Variants in NAV2 observed in about 807,000 individuals in gnomAD.
NAV2 encodes neuron navigator 2, also known as helicase, APC down-regulated 1.
A neutral mutation model predicts 223.2 loss-of-function variants in NAV2; 54 were observed. The ratio of observed to expected loss-of-function variants is 0.24; its 90% CI spans 0.19 to 0.30. NAV2 has a LOEUF of 0.30. NAV2 is among the 10% of genes least tolerant of loss of function. The pLI is 1.00. For missense variants in NAV2, 2,806 were observed against 3,147.5 expected, an observed-to-expected ratio of 0.89 and a Z score of 2.60; for synonymous variants, 1,279 against 1,239.3, an observed-to-expected ratio of 1.03 and a Z score of -0.67.
At chr11:19,684,819 C>T (rs1047759594) in intron 1 of NAV2, among the ~76,000 whole-genome samples, 9 of 152,218 alleles carry the variant, frequency 5.9e-5, no homozygotes, top group Non-Finnish European at 1.0e-4. Context: ...CTCACCCATC[C>T]TTCAAGAGTG....
At chr11:20,071,425 G>A (rs1431718562) in intron 22 of NAV2, among the ~76,000 whole-genome samples, 2 of 152,158 alleles carry the variant, frequency 1.3e-5, no homozygotes, top group Admixed American at 1.3e-4. Context: ...AAACATACGT[G>A]TGCATGCGTC....
chr11:19,863,312 C>T (rs963907903), intron 3 of NAV2, among the ~76,000 whole-genome samples: 106 of 152,312 alleles, frequency 7.0e-4, no homozygotes, highest in African/African-American at 2.5e-3. Context: ...TCTCATTGCC[C>T]TTCTCCCTTG....
intron 1 of NAV2, among the ~76,000 whole-genome samples, chr11:19,611,222 A>G (rs917103881): frequency 1.3e-5 from 2 of 152,162 alleles, no homozygotes; most frequent in East Asian, 1.9e-4. Context: ...CCATGATTCA[A>G]TTACCTCCCC....
chr11:19,577,032 G>A (rs1192970283), intron 1 of NAV2, among the ~76,000 whole-genome samples: 1 of 152,208 alleles, frequency 6.6e-6, no homozygotes, highest in East Asian at 1.9e-4. Flanking sequence ...AGGAATCCCT[G>A]GGTTCCAGGA....
chr11:20,099,719 C>T (rs1173845745), intron 31 of NAV2, among the ~76,000 whole-genome samples: 1 of 152,196 alleles, frequency 6.6e-6, no homozygotes, highest in Non-Finnish European at 1.5e-5. Context: ...TTTGACTTTG[C>T]ATTTCCTCAA....
rs77114700 is a variant in NAV2, at chr11:19,815,887, G to C, written c.268-16597G>C. ...GCAGACAGGAGGCAGAGACAGCACT[G>C]TTGTTAGGACTTTATTATTCTTCTT... On this transcript the variant is annotated intron_variant, in intron 1 of 37. Transcript: ENST00000349880. Among the ~76,000 whole-genome samples, 1,145 of 152,306 alleles carry C rather than the reference G, an allele frequency of 7.5e-3. 16 individuals carry two copies. Among genetic ancestry groups the C allele is most frequent in the African/African-American group, 0.026 (1,085 of 41,562 alleles).
chr11:19,888,716 G>A (rs1022645155), intron 5 of NAV2, among the ~76,000 whole-genome samples: 10 of 151,884 alleles, frequency 6.6e-5, no homozygotes, highest in African/African-American at 2.4e-4. Context: ...TGTCCCCCGA[G>A]TCCCAGCACA....
At chr11:20,111,300 G>A (rs79749138) in intron 36 of NAV2, among the ~76,000 whole-genome samples, 2 of 152,276 alleles carry the variant, frequency 1.3e-5, no homozygotes, top group Non-Finnish European at 2.9e-5. Context: ...GGGATGCCAG[G>A]TTCCTTCTCC....
intron 3 of NAV2, among the ~76,000 whole-genome samples, chr11:19,848,624 TCA>T (rs1242845358): frequency 3.3e-5 from 5 of 152,186 alleles, no homozygotes; most frequent in African/African-American, 1.2e-4. Flanking sequence ...AGTATTTGCC[TCA>T]TGGGGTTGTT....
chr11:20,051,936 T>A (rs556645588), intron 17 of NAV2, among the ~76,000 whole-genome samples: 1 of 152,300 alleles, frequency 6.6e-6, no homozygotes, highest in East Asian at 1.9e-4. Context: ...GTCCTTCCAT[T>A]CCTGGTAAGT....
At chr11:19,455,049 G>A (rs757516235) in intron 1 of NAV2, among the ~76,000 whole-genome samples, 2 of 152,178 alleles carry the variant, frequency 1.3e-5, no homozygotes, top group Non-Finnish European at 2.9e-5. Context: ...TAGGCAGCAA[G>A]CCTTCCAGGT....
At chr11:19,509,269 T>C (rs1343168179) in intron 1 of NAV2, among the ~76,000 whole-genome samples, 1 of 152,040 alleles carries the variant, frequency 6.6e-6, no homozygotes, top group Non-Finnish European at 1.5e-5. Context: ...ATTAGTGTGT[T>C]TGTGTGTGTG....
intron 1 of NAV2, among the ~76,000 whole-genome samples, chr11:19,372,562 G>A (rs961024345): frequency 1.3e-5 from 2 of 152,150 alleles, no homozygotes; most frequent in South Asian, 4.1e-4. Context: ...CAGATGTCTG[G>A]GGGTGCTTGC....
intron 1 of NAV2, among the ~76,000 whole-genome samples, chr11:19,527,972 A>AC (rs1565018537): frequency 1.1e-4 from 17 of 150,590 alleles, no homozygotes; most frequent in East Asian, 3.9e-4. Flanking sequence ...ACACACACAC[A>AC]ATCCTGGGAA....
At position 20,118,216 on chromosome 11, in the gene NAV2, T is replaced by A; in HGVS notation, c.7248T>A (p.His2416Gln). The A allele has an allele frequency of 6.2e-7, 1 of 1,613,916 alleles. No individual in the cohort carries two copies. Among genetic ancestry groups the A allele is most frequent in the Non-Finnish European group, 8.5e-7 (1 of 1,179,992 alleles). ...ACAGCGACTCCAACAGCAACAGCCA[T>A]CACGATGACATCTTGGACTCCTCTT... is the stretch of plus-strand genomic sequence containing the variant. ...SYDSDSNSNS[H>Q]HDDILDSSLE... is the part of the protein sequence containing the mutation. The change falls in exon 38 of 38, where the codon CAT (histidine) becomes CAA (glutamine). Residue 2416 changes from histidine to glutamine, a missense_variant. His to Gln is a conservative substitution (Grantham distance 24). Coordinates refer to ENST00000349880, the MANE Select transcript of NAV2 (RefSeq NM_145117.5).
chr11:19,844,822 GTT>G (rs1197938980), intron 3 of NAV2, among the ~76,000 whole-genome samples: 6 of 133,118 alleles, frequency 4.5e-5, no homozygotes, highest in Admixed American at 1.5e-4. Flanking sequence ...TGAACTGTGT[GTT>G]TTTTTTTTTT....
At chr11:20,052,696 T>C (rs1486338339) in intron 17 of NAV2, among the ~76,000 whole-genome samples, 1 of 152,192 alleles carries the variant, frequency 6.6e-6, no homozygotes. Flanking sequence ...TCCTGGAAAG[T>C]TGCATGTCTG....
intron 1 of NAV2, among the ~76,000 whole-genome samples, chr11:19,787,003 C>A (rs1054980870): frequency 9.2e-5 from 14 of 152,090 alleles, no homozygotes; most frequent in Non-Finnish European, 1.9e-4. Context: ...GACAGCATAA[C>A]AAGACCCCAT....
At chr11:19,887,222 G>A (rs1415138141) in intron 5 of NAV2, among the ~76,000 whole-genome samples, 1 of 152,108 alleles carries the variant, frequency 6.6e-6, no homozygotes, top group Middle Eastern at 3.2e-3. Context: ...GAGAAGAATG[G>A]GAAGCCTCAC....
Sources: allele counts gnomAD v4.1 joint callset (sites outside exome capture counted in the v4.1 genomes callset), GRCh38; gene constraint gnomAD v4.1.1; transcripts MANE v1.5; gene names NCBI Gene and HGNC (gene_info 2026-07-23, HGNC 2026-07-21).